The following TLL2 variants were observed in gnomAD, a reference collection of about 807,000 sequenced individuals.
TLL2 encodes the protein tolloid-like protein 2.
In TLL2, 106 loss-of-function variants were observed where a neutral mutation model predicts 123.0. The observed-to-expected ratio is 0.86, with a 90% CI of 0.74 to 1.01. TLL2 has a LOEUF of 1.01. TLL2 is among the 50% of genes least tolerant of loss of function. The pLI is 0.00. For synonymous variants in TLL2, 494 were observed against 516.8 expected, an observed-to-expected ratio of 0.96 and a Z score of 0.60; for missense variants, 1,332 against 1,336.7, an observed-to-expected ratio of 1.00 and a Z score of 0.06.
chr10:96,443,342 T>C (rs1846866932), intron 3 of TLL2, among the ~76,000 whole-genome samples: 1 of 152,248 alleles, frequency 6.6e-6, no homozygotes, highest in Non-Finnish European at 1.5e-5. Flanking sequence ...GCAACTTCTG[T>C]TCCTTCCCTC....
chr10:96,441,190 A>G (rs545085538), intron 3 of TLL2, among the ~76,000 whole-genome samples: 1 of 152,340 alleles, frequency 6.6e-6, no homozygotes, highest in Non-Finnish European at 1.5e-5. Flanking sequence ...AGCCTTCTCC[A>G]GTGAGGAAGT....
intron 1 of TLL2, among the ~76,000 whole-genome samples, chr10:96,489,969 G>A (rs367635455): frequency 8.4e-4 from 128 of 151,862 alleles, no homozygotes; most frequent in African/African-American, 2.9e-3. Flanking sequence ...GGTTGTGCGC[G>A]CCTGTAGTCC....
chr10:96,416,354 T>C (rs1312377801), intron 7 of TLL2, among the ~76,000 whole-genome samples: 2 of 152,242 alleles, frequency 1.3e-5, no homozygotes, highest in Non-Finnish European at 2.9e-5. Flanking sequence ...TCATCATTCA[T>C]AGGACTTTCC....
chr10:96,488,091 G>A (rs1272930518), intron 1 of TLL2, among the ~76,000 whole-genome samples: 1 of 152,190 alleles, frequency 6.6e-6, no homozygotes, highest in Non-Finnish European at 1.5e-5. Context: ...TCTTCCACAT[G>A]GGGTTGTTGC....
intron 5 of TLL2, among the ~76,000 whole-genome samples, chr10:96,426,823 T>C (rs1041484301): frequency 1.3e-5 from 2 of 152,218 alleles, no homozygotes; most frequent in African/African-American, 2.4e-5. Context: ...ATTCAAATAA[T>C]TTACTCTTGA....
rs748554924 is a variant in TLL2 at position 96,413,233 on chromosome 10, T to C, written c.1007A>G (p.Gln336Arg). The change falls in exon 8 of 21, where the codon CAG (glutamine) becomes CGG (arginine). Residue 336 changes from glutamine to arginine, a missense_variant. Physicochemically the swap from Gln to Arg is conservative, Grantham distance 43. Transcript: ENST00000357947. ...CTTCCGGGCTTGAGCTATGTCTCCC[T>C]GACTGAGCCGCACGCGCTGGCCAAT... Reference protein sequence around the residue: ...PTIGQRVRLSQGDIAQARKLY... With the variant: ...PTIGQRVRLSRGDIAQARKLY... 1 of 1,614,202 alleles carries C rather than the reference T, an allele frequency of 6.2e-7. No homozygotes were observed. The highest frequency in any genetic ancestry group is 1.1e-5 in the South Asian group (1 of 91,080).
intron 3 of TLL2, among the ~76,000 whole-genome samples, chr10:96,436,804 C>A (rs1264953671): frequency 6.6e-6 from 1 of 151,868 alleles, no homozygotes; most frequent in Non-Finnish European, 1.5e-5. Flanking sequence ...TCCCCCCTCA[C>A]CCTCCCAAGT....
chr10:96,373,764 C>T lies in TLL2; in HGVS notation c.2494G>A (p.Asp832Asn). 6.2e-7 allele frequency: 1 copy of T among 1,614,166 alleles called. No individual in the cohort carries two copies. Among genetic ancestry groups the T allele is most frequent in the Non-Finnish European group, 8.5e-7 (1 of 1,180,048 alleles). The change falls in exon 19 of 21, where the codon GAC becomes AAC. Residue 832 changes from aspartate to asparagine, a missense_variant. Physicochemically the swap from Asp to Asn is conservative, Grantham distance 23 (BLOSUM62 1). Coordinates refer to ENST00000357947, the MANE Select transcript of TLL2 (RefSeq NM_012465.4). ...GGCCCGTCATACATTTCCAGGTGGT[C>T]ATAGGCACATTCCTGGTGCTGCTCG... is the stretch of plus-strand genomic sequence containing the variant. ...EIEQHQECAYDHLEMYDGPDS... is the reference protein window; with the variant it reads ...EIEQHQECAYNHLEMYDGPDS...
At chr10:96,384,334 T>C (rs111760163) in intron 16 of TLL2, among the ~76,000 whole-genome samples, 55 of 152,306 alleles carry the variant, frequency 3.6e-4, no homozygotes, top group Non-Finnish European at 6.3e-4. Flanking sequence ...CCCCCAGAAC[T>C]GTAAGAATAA....
chr10:96,476,241 T>TATATATATA (rs1554939631), intron 2 of TLL2, among the ~76,000 whole-genome samples: 1,077 of 71,856 alleles, frequency 0.015, 99 homozygotes, highest in Middle Eastern at 0.028. Context: ...TATATATATA[T>TATATATATA]TTTATTTTTG....
At chr10:96,414,853 C>T (rs547476025) in intron 7 of TLL2, among the ~76,000 whole-genome samples, 1 of 152,250 alleles carries the variant, frequency 6.6e-6, no homozygotes, top group Admixed American at 6.5e-5. Context: ...AACCAGGAGC[C>T]AGGTCCTGTC....
chr10:96,448,198 C>G (rs1436672345), intron 2 of TLL2, among the ~76,000 whole-genome samples: 1 of 152,224 alleles, frequency 6.6e-6, no homozygotes, highest in Non-Finnish European at 1.5e-5. Flanking sequence ...CCTGGCCAAC[C>G]CGGAATCCAC....
At chr10:96,477,340 AT>A (rs1847268840) in intron 2 of TLL2, among the ~76,000 whole-genome samples, 1 of 119,226 alleles carries the variant, frequency 8.4e-6, no homozygotes, top group African/African-American at 3.2e-5. Context: ...ACTTGTTTTA[AT>A]TTTAATTTTA....
At position 96,386,221 on chromosome 10, in the gene TLL2, C is replaced by T. The variant is rs150239647; in HGVS notation, c.1853-6G>A. Reference sequence around the variant, plus strand: ...AATGAAACCGCCACAGGCCACTGCACGGGGGAAACAGAAACAGGATTCATT... The same window carrying T: ...AATGAAACCGCCACAGGCCACTGCATGGGGGAAACAGAAACAGGATTCATT... On this transcript the variant is annotated splice_polypyrimidine_tract_variant and splice_region_variant and intron_variant, in intron 14 of 20. Coordinates refer to ENST00000357947, the MANE Select transcript of TLL2 (RefSeq NM_012465.4). The T allele has an allele frequency of 1.2e-4, 182 of 1,563,432 alleles. 1 individual carries two copies. The highest frequency in any genetic ancestry group is 1.1e-3 in the African/African-American group (82 of 73,184).
intron 8 of TLL2, 26 bp downstream of exon 8, chr10:96,413,166 T>A (rs1292506408): frequency 6.2e-7 from 1 of 1,612,720 alleles, no homozygotes; most frequent in Non-Finnish European, 8.5e-7. Flanking sequence ...AGGGAGGTGC[T>A]GGCAGTCCCC....
intron 1 of TLL2, among the ~76,000 whole-genome samples, chr10:96,497,692 T>C (rs1278826707): frequency 6.6e-6 from 1 of 152,250 alleles, no homozygotes; most frequent in African/African-American, 2.4e-5. Flanking sequence ...CTCATCTCTG[T>C]GTGTCTCACC....
chr10:96,400,357 C>CAAAAAAAAAAA (rs55975748), intron 10 of TLL2, among the ~76,000 whole-genome samples: 3 of 109,894 alleles, frequency 2.7e-5, no homozygotes, highest in East Asian at 2.7e-4. Context: ...CTACTACCAT[C>CAAAAAAAAAAA]AAAAAAAAAA....
intron 2 of TLL2, among the ~76,000 whole-genome samples, chr10:96,476,915 C>G (rs1162031547): frequency 1.3e-5 from 2 of 151,466 alleles, no homozygotes; most frequent in Non-Finnish European, 2.9e-5. Flanking sequence ...TGCACACACA[C>G]AGCCTGAGCA....
At chr10:96,468,294 A>T (rs1353238635) in intron 2 of TLL2, among the ~76,000 whole-genome samples, 1 of 152,094 alleles carries the variant, frequency 6.6e-6, no homozygotes, top group Non-Finnish European at 1.5e-5. Flanking sequence ...AGTGCCTTAC[A>T]TAGGTAGCTG....
Sources: allele counts gnomAD v4.1 joint callset (sites outside exome capture counted in the v4.1 genomes callset), GRCh38; gene constraint gnomAD v4.1.1; transcripts MANE v1.5; gene names NCBI Gene and HGNC (gene_info 2026-07-23, HGNC 2026-07-21).